Variants in SPECC1L observed in about 807,000 individuals in gnomAD.
The protein encoded by SPECC1L is sperm antigen with calponin homology and coiled-coil domains 1 like, also known as cytospin-A.
A neutral mutation model predicts 116.8 loss-of-function variants in SPECC1L; 40 were observed. That is an observed-to-expected ratio of 0.34 (90% confidence interval 0.27 to 0.45). The LOEUF (loss-of-function observed/expected upper bound fraction) is 0.45, where lower values mean the gene tolerates loss of function less well. Among genes scored for constraint, SPECC1L ranks in the 20% least tolerant of loss-of-function variants. The pLI is 1.00. For missense variants in SPECC1L, 1,110 were observed against 1,373.6 expected, an observed-to-expected ratio of 0.81 and a Z score of 3.03; for synonymous variants, 504 against 500.6, an observed-to-expected ratio of 1.01 and a Z score of -0.09.
chr22:24,412,517 A>G lies in SPECC1L; in HGVS notation c.3205-131A>G, dbSNP rs1291984673. ...AGATGCAGAAGCTCAGGCTCCCAGC[A>G]TAGGTTTGTTGTGGCACCAGGTAGA... On this transcript the variant is annotated intron_variant, in intron 15 of 16. Transcript: ENST00000314328. The G allele has an allele frequency of 2.8e-5, 23 of 827,850 alleles. No homozygotes were observed. The East Asian group carries it at 3.1e-4, about 11-fold the overall frequency. The allele number at this position is 827,850 out of a possible 1,614,324, so 51.3% of individuals were successfully genotyped here.
At position 24,417,558 on chromosome 22, in the gene SPECC1L, G is replaced by A. The variant is rs2042824583; in HGVS notation, c.*2935G>A. 6.6e-6 allele frequency: 1 copy of A among 152,300 alleles called. No individual in the cohort carries two copies. The highest frequency in any genetic ancestry group is 6.5e-5 in the Admixed American group (1 of 15,288). 9.4% of individuals were successfully genotyped at this position (152,300 alleles called of 1,614,324 possible). A position where few individuals can be genotyped will look rare whatever the true frequency, so the allele number is the denominator to read the frequency against. On this transcript the variant is annotated 3_prime_UTR_variant, in exon 17 of 17. Coordinates refer to ENST00000314328, the MANE Select transcript of SPECC1L (RefSeq NM_015330.6). ...CCGTGGCAGAGCTACCCCCAGGAGA[G>A]CGGAAGCCCCTACACAGCCCAGACA...
intron 4 of SPECC1L, among the ~76,000 whole-genome samples, chr22:24,317,299 G>A (rs1354238084): frequency 9.2e-5 from 11 of 119,938 alleles, no homozygotes; most frequent in Non-Finnish European, 1.7e-4. Context: ...GGGGCGGCTG[G>A]CCAGGCGGGG....
chr22:24,301,655 T>C (rs2049381001), intron 2 of SPECC1L, among the ~76,000 whole-genome samples: 1 of 152,190 alleles, frequency 6.6e-6, no homozygotes, highest in Non-Finnish European at 1.5e-5. Context: ...TCTAAAGGTT[T>C]ATTGCTTTCA....
chr22:24,305,352 C>T (rs2049471582), intron 3 of SPECC1L, among the ~76,000 whole-genome samples: 1 of 152,178 alleles, frequency 6.6e-6, no homozygotes, highest in Non-Finnish European at 1.5e-5. Context: ...TGTCCTCCCC[C>T]AAAGTAACTA....
At chr22:24,312,753 C>T (rs145125256) in intron 3 of SPECC1L, among the ~76,000 whole-genome samples, 5 of 152,110 alleles carry the variant, frequency 3.3e-5, no homozygotes, top group Non-Finnish European at 7.3e-5. Context: ...GACAGCAGAA[C>T]CCTTTCTCAA....
chr22:24,414,852 C>A lies in SPECC1L; in HGVS notation c.*229C>A. 1.8e-6 allele frequency: 1 copy of A among 568,362 alleles called. No individual in the cohort carries two copies. Among genetic ancestry groups the A allele is most frequent in the Non-Finnish European group, 3.2e-6 (1 of 315,326 alleles). 35.2% of individuals were successfully genotyped at this position (568,362 alleles called of 1,614,324 possible). ...CCCGTCCATTCAGGTCATGTGGGCTCAGCACACATCCTGCAGGCCGGTGGC... is the reference window on the plus strand; with the variant it reads ...CCCGTCCATTCAGGTCATGTGGGCTAAGCACACATCCTGCAGGCCGGTGGC... On this transcript the variant is annotated 3_prime_UTR_variant, in exon 17 of 17. Transcript: ENST00000314328.
At position 24,301,474 on chromosome 22, in the gene SPECC1L, C is replaced by G. The variant is rs568782651; in HGVS notation, c.-37-721C>G. Among the ~76,000 whole-genome samples the G allele has an allele frequency of 2.6e-5, 4 of 152,232 alleles. No individual in the cohort carries two copies. In the East Asian group the frequency reaches 7.7e-4, roughly 29 times the overall value. On this transcript the variant is annotated intron_variant, in intron 2 of 16. Transcript: ENST00000314328. ...TAACATACTGAACATCGTAGCTTAG[C>G]CTAACCTACCTTAAACATGGTCGGA...
intron 11 of SPECC1L, among the ~76,000 whole-genome samples, chr22:24,348,714 C>T (rs1361564410): frequency 2.0e-5 from 3 of 152,234 alleles, no homozygotes. Context: ...CATAGGTGTG[C>T]AGCACAGAGA....
At chr22:24,314,209 T>G (rs2040515890) in intron 4 of SPECC1L, among the ~76,000 whole-genome samples, 3 of 151,892 alleles carry the variant, frequency 2.0e-5, no homozygotes, top group Admixed American at 2.0e-4. Flanking sequence ...CAAGCCCAGC[T>G]AGTTTTGTTT....
At chr22:24,276,460 C>G (rs2048839669) in intron 1 of SPECC1L, among the ~76,000 whole-genome samples, 1 of 151,924 alleles carries the variant, frequency 6.6e-6, no homozygotes, top group Non-Finnish European at 1.5e-5. Context: ...GTGGCATTGT[C>G]AAGATTTGTC....
chr22:24,411,755 C>T (rs963788186), intron 15 of SPECC1L, 51 bp downstream of exon 15: 1 of 1,475,058 alleles, frequency 6.8e-7, no homozygotes, highest in African/African-American at 1.4e-5. Context: ...GGTTGGAGGG[C>T]TGAGAACCAA....
At chr22:24,313,092 T>A (rs1298083831) in intron 3 of SPECC1L, among the ~76,000 whole-genome samples, 2 of 152,216 alleles carry the variant, frequency 1.3e-5, no homozygotes, top group African/African-American at 4.8e-5. Context: ...TTTGATTACA[T>A]GTACGAGTTT....
At chr22:24,326,975 C>A (rs2040833329) in intron 6 of SPECC1L, among the ~76,000 whole-genome samples, 1 of 152,014 alleles carries the variant, frequency 6.6e-6, no homozygotes, top group Non-Finnish European at 1.5e-5. Context: ...TGAATTCATG[C>A]CATTTAAAAA....
intron 2 of SPECC1L, among the ~76,000 whole-genome samples, chr22:24,278,645 G>A (rs2048883201): frequency 6.6e-6 from 1 of 152,238 alleles, no homozygotes; most frequent in Admixed American, 6.5e-5. Flanking sequence ...AGGGAGGTAA[G>A]AATTTAGGAA....
intron 4 of SPECC1L, among the ~76,000 whole-genome samples, chr22:24,315,559 C>T (rs775716062): frequency 5.3e-5 from 8 of 152,238 alleles, no homozygotes; most frequent in Non-Finnish European, 1.0e-4. Flanking sequence ...ATACTCTTGC[C>T]ATTTGCATGT....
chr22:24,338,617 ATAC>A (rs1186951477), intron 10 of SPECC1L, 140 bp downstream of exon 10: 1 of 657,740 alleles, frequency 1.5e-6, no homozygotes, highest in Non-Finnish European at 2.7e-6. Flanking sequence ...GTTTCCTAAA[ATAC>A]TATAAATATC....
intron 1 of SPECC1L, among the ~76,000 whole-genome samples, chr22:24,273,696 C>G (rs1162911530): frequency 1.3e-5 from 2 of 152,108 alleles, no homozygotes; most frequent in East Asian, 1.9e-4. Flanking sequence ...ACTGAGAAAG[C>G]TGTTAAATTT....
At chr22:24,383,792 A>ATTTTTTTTTTTTTTTTTTTTT (rs538972717) in intron 14 of SPECC1L, among the ~76,000 whole-genome samples, 2 of 77,336 alleles carry the variant, frequency 2.6e-5, no homozygotes, top group Admixed American at 1.4e-4. Context: ...ACCCACCACT[A>ATTTTTTTTTTTTTTTTTTTTT]TTTTTTTTTT....
intron 4 of SPECC1L, among the ~76,000 whole-genome samples, chr22:24,314,758 C>T (rs563025113): frequency 2.0e-5 from 3 of 152,298 alleles, no homozygotes; most frequent in Admixed American, 2.0e-4. Flanking sequence ...GGTCCCCTGT[C>T]CCCCCATTTT....
Sources: allele counts gnomAD v4.1 joint callset (sites outside exome capture counted in the v4.1 genomes callset), GRCh38; gene constraint gnomAD v4.1.1; transcripts MANE v1.5; gene names NCBI Gene and HGNC (gene_info 2026-07-23, HGNC 2026-07-21).